Variants in UNKL observed in about 807,000 individuals in gnomAD.
UNKL encodes the protein putative E3 ubiquitin-protein ligase UNKL.
UNKL carries 60 observed loss-of-function variants against 78.0 expected under a neutral mutation model. The observed-to-expected ratio is 0.77, with a 90% confidence interval of 0.63 to 0.95. The LOEUF is 0.95. UNKL is among the 40% of genes least tolerant of loss of function. The pLI, the probability that UNKL is intolerant of heterozygous loss-of-function variation, is 0.00. For missense variants in UNKL, 1,159 were observed against 1,045.7 expected (o/e 1.11, Z -1.49); for synonymous variants, 608 against 474.8 (o/e 1.28, Z -3.65).
chr16:1,365,070 T>A lies in UNKL; in HGVS notation c.*1170A>T, dbSNP rs1267482387. ...GTGCGGTGGCGCGATCTCGGCTCAC[T>A]GCAACCTCTGCCTCCCAGGTTCAAG... On this transcript the variant is annotated 3_prime_UTR_variant, in exon 15 of 15. Coordinates refer to ENST00000389221, the MANE Select transcript of UNKL (RefSeq NM_001372107.1). 2 of 151,956 alleles carry A rather than the reference T, an allele frequency of 1.3e-5. No homozygotes were observed. Among genetic ancestry groups the A allele is most frequent in the Admixed American group, 1.3e-4 (2 of 15,118 alleles). The allele number at this position is 151,956 out of a possible 1,614,324, so 9.4% of individuals were successfully genotyped here. A position where few individuals can be genotyped will look rare whatever the true frequency, so the allele number is the denominator to read the frequency against.
chr16:1,399,580 G>A lies in UNKL; in HGVS notation c.599-71C>T, dbSNP rs1464687034. On this transcript the variant is annotated intron_variant, in intron 4 of 14. Coordinates refer to ENST00000389221, the MANE Select transcript of UNKL (RefSeq NM_001372107.1). This position sits in a 1 kb window ranked among gnomAD's most constrained non-coding sequence, Gnocchi z 5.8. ...ATGCTGGGCAGAGGAGACCAAAGGTGGAAGGACCTGGCTGTCCCCCAAATG... is the reference window on the plus strand; with the variant it reads ...ATGCTGGGCAGAGGAGACCAAAGGTAGAAGGACCTGGCTGTCCCCCAAATG... 1.9e-6 allele frequency: 3 copies of A among 1,538,830 alleles called. No homozygotes were observed. The highest frequency in any genetic ancestry group is 1.4e-5 in the African/African-American group (1 of 72,858).
At position 1,385,367 on chromosome 16, in the gene UNKL, C is replaced by T; in HGVS notation, c.1105G>A (p.Ala369Thr). The T allele has an allele frequency of 1.4e-6, 2 of 1,405,144 alleles. No individual in the cohort carries two copies. Among genetic ancestry groups the T allele is most frequent in the East Asian group, 3.0e-5 (1 of 33,174 alleles). 87.0% of individuals were successfully genotyped at this position (1,405,144 alleles called of 1,614,324 possible). The part of the protein sequence containing the change: ...DSKQNHLAVF[A>T]AVHPPAPSVS... ...CTGGGGGCCGGCGGGTGGACCGCTG[C>T]AAACACGGCCAGGTGGTTCTGTTCA... The change falls in exon 10 of 15, where the codon GCA becomes ACA. Residue 369 changes from alanine (A) to threonine (T), a missense_variant. Physicochemically the swap from Ala to Thr is moderately conservative, Grantham distance 58 (BLOSUM62 0). Coordinates refer to ENST00000389221, the MANE Select transcript of UNKL (RefSeq NM_001372107.1).
chr16:1,380,901 C>T (rs971599046), intron 10 of UNKL, among the ~76,000 whole-genome samples: 2 of 152,228 alleles, frequency 1.3e-5, no homozygotes, highest in African/African-American at 4.8e-5. Context: ...TCTTGAACTC[C>T]TGACCTCAGG....
At chr16:1,407,342 G>A (rs759723904) in intron 2 of UNKL, 3 of 152,270 alleles carry the variant, frequency 2.0e-5, no homozygotes, top group African/African-American at 4.8e-5. Flanking sequence ...CCGGACGACA[G>A]AGGCCTGGGG....
intron 9 of UNKL, among the ~76,000 whole-genome samples, chr16:1,388,947 T>C (rs925155378): frequency 6.6e-6 from 1 of 152,212 alleles, no homozygotes; most frequent in African/African-American, 2.4e-5. Context: ...TTTGGTGTAG[T>C]ACGTGGCATG....
Position 1,367,780 on chromosome 16 carries a change from G to A in UNKL, c.1664C>T (p.Ala555Val), listed in dbSNP as rs1475250736. ...FSPSPSPILSAGPPSSSSASP... is the reference protein window; with the variant it reads ...FSPSPSPILSVGPPSSSSASP... ...TGCACTCGAAGAGGATGGGGGGCCGGCACTCAGGATGGGGGAGGGGCTGGG... is the reference window on the plus strand; with the variant it reads ...TGCACTCGAAGAGGATGGGGGGCCGACACTCAGGATGGGGGAGGGGCTGGG... Residue 555 changes from alanine to valine, a missense_variant, in exon 13 of 15, where the codon GCC becomes GTC. By Grantham distance (64) the Ala-to-Val change is moderately conservative. Coordinates refer to ENST00000389221, the MANE Select transcript of UNKL (RefSeq NM_001372107.1). 6.4e-7 allele frequency: 1 copy of A among 1,573,080 alleles called. No individual in the cohort carries two copies. Among genetic ancestry groups the A allele is most frequent in the Non-Finnish European group, 8.6e-7 (1 of 1,159,676 alleles).
intron 9 of UNKL, among the ~76,000 whole-genome samples, chr16:1,388,748 C>A (rs1291119702): frequency 6.6e-6 from 1 of 152,092 alleles, no homozygotes; most frequent in Admixed American, 6.6e-5. Context: ...CCGTTCTCCC[C>A]GTGGGGACGC....
At chr16:1,379,257 G>A in intron 10 of UNKL, 1 of 164,626 alleles carries the variant, frequency 6.1e-6, no homozygotes, top group South Asian at 2.0e-4. Context: ...GGCGGGCCAG[G>A]CCAGGACGCA....
At chr16:1,394,831 T>C (rs780255656) in intron 6 of UNKL, among the ~76,000 whole-genome samples, 19 of 152,180 alleles carry the variant, frequency 1.2e-4, no homozygotes, top group Non-Finnish European at 2.2e-4. Flanking sequence ...CACCCCCCCA[T>C]GGCCCTTCCA....
In UNKL at chr16:1,366,382, A is replaced by G; in HGVS notation, c.2060T>C (p.Leu687Pro). 1 of 1,593,638 alleles carries G rather than the reference A, an allele frequency of 6.3e-7. No homozygotes were observed. The highest frequency in any genetic ancestry group is 8.6e-7 in the Non-Finnish European group (1 of 1,167,862). The change falls in exon 15 of 15, where the codon CTC becomes CCC. Residue 687 changes from leucine (L) to proline (P), a missense_variant. Physicochemically the swap from Leu to Pro is moderately conservative, Grantham distance 98. Transcript: ENST00000389221. Reference sequence around the variant, plus strand: ...GCAGGCCACACACTGCTTGGCGCGGAGCTGGAAGATCACCTGCAGGGCCAG... The same window carrying G: ...GCAGGCCACACACTGCTTGGCGCGGGGCTGGAAGATCACCTGCAGGGCCAG... ...LEAVDGVIFQ[L>P]RAKQCVACRE...
intron 7 of UNKL, 88 bp from the exon 8 acceptor site, chr16:1,393,064 A>C: frequency 7.5e-7 from 1 of 1,336,616 alleles, no homozygotes; most frequent in Non-Finnish European, 1.0e-6. Flanking sequence ...GTCAGGGCCG[A>C]GTGTGCGCAG....
intron 2 of UNKL, among the ~76,000 whole-genome samples, chr16:1,413,217 C>G (rs1376552406): frequency 7.7e-6 from 1 of 129,428 alleles, no homozygotes; most frequent in African/African-American, 3.0e-5. Context: ...GCACTCCAGC[C>G]CCAGCGACAG....
At chr16:1,388,911 T>C (rs1266935976) in intron 9 of UNKL, among the ~76,000 whole-genome samples, 1 of 152,168 alleles carries the variant, frequency 6.6e-6, no homozygotes, top group Non-Finnish European at 1.5e-5. Context: ...TGAAATATAA[T>C]ATAAAATTTG....
At position 1,392,871 on chromosome 16, in the gene UNKL, T is replaced by C; in HGVS notation, c.1023+20A>G. On this transcript the variant is annotated intron_variant, in intron 8 of 14. Coordinates refer to ENST00000389221, the MANE Select transcript of UNKL (RefSeq NM_001372107.1). ...AACCAAAGGACACTGGGCATTGTCC[T>C]GGGAAGGCCGTTCACTTACATTTCC... The C allele has an allele frequency of 6.4e-7, 1 of 1,550,466 alleles. No homozygotes were observed. Among genetic ancestry groups the C allele is most frequent in the Non-Finnish European group, 8.7e-7 (1 of 1,146,914 alleles).
At chr16:1,402,744 G>A (rs1047632739) in intron 3 of UNKL, among the ~76,000 whole-genome samples, 7 of 151,910 alleles carry the variant, frequency 4.6e-5, no homozygotes, top group Admixed American at 2.6e-4. Flanking sequence ...CAGCACTTTG[G>A]GAAGCCAACG....
At chr16:1,401,523 G>GCCCACCCC in intron 4 of UNKL, 45 bp downstream of exon 4, 1 of 1,470,348 alleles carries the variant, frequency 6.8e-7, no homozygotes, top group South Asian at 1.4e-5. Context: ...CTCGCGCTGT[G>GCCCACCCC]CCCGCCCCCC....
At chr16:1,398,912 A>G in intron 5 of UNKL, 1 of 1,566,702 alleles carries the variant, frequency 6.4e-7, no homozygotes, top group Non-Finnish European at 8.7e-7. Flanking sequence ...CCTGGGACTC[A>G]GCCTAAGGAC....
At position 1,379,749 on chromosome 16, in the gene UNKL, T is replaced by A. The variant is rs1000697023; in HGVS notation, c.1264+5459A>T. ...GCAACGTGACTCGGCCCCGCCCCCGTCGCACTGGCCACGCCCCCCGCGCTG... is the reference window on the plus strand; with the variant it reads ...GCAACGTGACTCGGCCCCGCCCCCGACGCACTGGCCACGCCCCCCGCGCTG... On this transcript the variant is annotated intron_variant, in intron 10 of 14. Coordinates refer to ENST00000389221, the MANE Select transcript of UNKL (RefSeq NM_001372107.1). 1.4e-5 allele frequency: 13 copies of A among 902,574 alleles called. No individual in the cohort carries two copies. In the Admixed American group the frequency reaches 1.2e-3, roughly 80 times the overall value. The allele number at this position is 902,574 out of a possible 1,614,324, so 55.9% of individuals were successfully genotyped here. A position where few individuals can be genotyped will look rare whatever the true frequency, so the allele number is the denominator to read the frequency against.
In UNKL at chr16:1,398,495, T is replaced by A. The variant is rs112562599; in HGVS notation, c.734+879A>T. ...GCTCAGAGGGAGACTGAACGTGGCA[T>A]AACAACAAGGAGTGGGGCGTCCTTC... is the stretch of plus-strand genomic sequence containing the variant. On this transcript the variant is annotated intron_variant, in intron 5 of 14. Coordinates refer to ENST00000389221, the MANE Select transcript of UNKL (RefSeq NM_001372107.1). 3.2e-5 allele frequency: 40 copies of A among 1,243,812 alleles called. No homozygotes were observed. The African/African-American group carries it at 5.6e-4, about 17-fold the overall frequency. The allele number at this position is 1,243,812 out of a possible 1,614,324, so 77.0% of individuals were successfully genotyped here. A position where few individuals can be genotyped will look rare whatever the true frequency, so the allele number is the denominator to read the frequency against.
Sources: gnomAD v4.1 joint callset for allele counts (sites outside exome capture counted in the v4.1 genomes callset) on GRCh38, gnomAD v4.1.1 for gene constraint, Gnocchi (gnomAD v3.1) non-coding constraint, MANE v1.5 for transcripts, NCBI Gene and HGNC (gene_info 2026-07-23, HGNC 2026-07-21) for gene names.